The following IGSF10 variants were observed in gnomAD, a reference collection of about 807,000 sequenced individuals.
IGSF10 encodes calvaria mechanical force protein 608.
A neutral mutation model predicts 128.2 loss-of-function variants in IGSF10; 126 were observed. The ratio of observed to expected loss-of-function variants is 0.98; its 90% CI spans 0.85 to 1.14. The LOEUF (loss-of-function observed/expected upper bound fraction) is 1.14, where lower values mean the gene tolerates loss of function less well. Among genes scored for constraint, IGSF10 ranks in the 50% most tolerant of loss-of-function variants. IGSF10 has a pLI of 0.00. For missense variants in IGSF10, 3,295 were observed against 3,149.8 expected, an observed-to-expected ratio of 1.05 and a Z score of -1.10; for synonymous variants, 1,185 against 1,146.2, an observed-to-expected ratio of 1.03 and a Z score of -0.68.
At chr3:151,602,471 G>A in the IGSF10 span, among the ~76,000 whole-genome samples, 1 of 152,136 alleles carries the variant, frequency 6.6e-6, no homozygotes, top group Non-Finnish European at 1.5e-5. Flanking sequence ...TTCTGGGTCA[G>A]CTTAGACAAT....
the IGSF10 span, among the ~76,000 whole-genome samples, chr3:151,574,979 C>A: frequency 6.6e-6 from 1 of 152,216 alleles, no homozygotes; most frequent in Non-Finnish European, 1.5e-5. Context: ...TCAGGTCCCT[C>A]AGCTGCAGGT....
In IGSF10 at chr3:151,445,731, A is replaced by G. The variant is rs1280379951; in HGVS notation, c.4250T>C (p.Leu1417Pro). 1.2e-6 allele frequency: 2 copies of G among 1,614,064 alleles called. No homozygotes were observed. Among genetic ancestry groups the G allele is most frequent in the Admixed American group, 3.3e-5 (2 of 60,022 alleles). ...GGCTAGTTCTTCAATCACATCTGTC[A>G]GATTAAGAGTTCTTGAATGAAAACT... The part of the protein sequence containing the change: ...TISFHSRTLN[L>P]TDVIEELAQA... Residue 1417 changes from leucine (L) to proline (P), a missense_variant, in exon 6 of 8, where the codon CTG becomes CCG. Physicochemically the swap from Leu to Pro is moderately conservative, Grantham distance 98 (BLOSUM62 -3). Coordinates refer to ENST00000282466, the MANE Select transcript of IGSF10 (RefSeq NM_178822.5).
rs780766940 is a variant in IGSF10, at chr3:151,443,832, A to T, written c.5115T>A (p.Asn1705Lys). Residue 1705 changes from asparagine to lysine, a missense_variant, in exon 7 of 8, where the codon AAT becomes AAA. Physicochemically the swap from Asn to Lys is moderately conservative, Grantham distance 94. Coordinates refer to ENST00000282466, the MANE Select transcript of IGSF10 (RefSeq NM_178822.5). Reference protein sequence around the residue: ...KQNSRVQVLPNGTLSIQRVEI... With the variant: ...KQNSRVQVLPKGTLSIQRVEI... ...CCACCCTCTGGATGGACAGGGTACC[A>T]TTGGGGAGAACCTGGACCCTGCTAT... 2 of 1,614,042 alleles carry T rather than the reference A, an allele frequency of 1.2e-6. No individual in the cohort carries two copies. Among genetic ancestry groups the T allele is most frequent in the Non-Finnish European group, 1.7e-6 (2 of 1,179,934 alleles).
At chr3:151,439,946 G>T (rs1720745227) in intron 7 of IGSF10, among the ~76,000 whole-genome samples, 1 of 150,514 alleles carries the variant, frequency 6.6e-6, no homozygotes, top group South Asian at 2.1e-4. Flanking sequence ...TAGATAAAAC[G>T]AGAGGAAAGT....
the IGSF10 span, among the ~76,000 whole-genome samples, chr3:151,494,759 G>T: frequency 6.6e-6 from 1 of 151,996 alleles, no homozygotes; most frequent in African/African-American, 2.4e-5. Context: ...TTCTTCGATG[G>T]AAATGAATTT....
the IGSF10 span, among the ~76,000 whole-genome samples, chr3:151,489,748 A>G: frequency 1.3e-5 from 2 of 152,180 alleles, no homozygotes; most frequent in East Asian, 3.9e-4. Flanking sequence ...ACATGTTCTC[A>G]CTCATAAGTG....
intron 4 of IGSF10, among the ~76,000 whole-genome samples, chr3:151,454,096 C>T (rs1288186445): frequency 6.7e-6 from 1 of 149,946 alleles, no homozygotes; most frequent in African/African-American, 2.5e-5. Context: ...CTGCTTACTG[C>T]AACCTCCGCC....
chr3:151,547,014 AC>A, the IGSF10 span, among the ~76,000 whole-genome samples: 894 of 110,372 alleles, frequency 8.1e-3, 18 homozygotes, highest in East Asian at 0.1. Context: ...CCGGCGATCC[AC>A]CCCCCCCTTG....
At chr3:151,510,430 C>T in the IGSF10 span, among the ~76,000 whole-genome samples, 1 of 152,120 alleles carries the variant, frequency 6.6e-6, no homozygotes. Context: ...GGAAAACTAA[C>T]AAACAGAAAG....
chr3:151,543,417 G>A, the IGSF10 span, among the ~76,000 whole-genome samples: 1 of 152,116 alleles, frequency 6.6e-6, no homozygotes, highest in Non-Finnish European at 1.5e-5. Flanking sequence ...CACACCTGCA[G>A]CTGCACAGCT....
the IGSF10 span, among the ~76,000 whole-genome samples, chr3:151,579,262 T>C: frequency 1.3e-5 from 2 of 152,128 alleles, no homozygotes; most frequent in African/African-American, 4.8e-5. Context: ...ATTCTGGATA[T>C]AAATACTATA....
At chr3:151,468,351 C>T in the IGSF10 span, among the ~76,000 whole-genome samples, 1 of 152,166 alleles carries the variant, frequency 6.6e-6, no homozygotes, top group Non-Finnish European at 1.5e-5. Flanking sequence ...AAATCACAAC[C>T]GAGAGATCCT....
At chr3:151,483,185 T>G in the IGSF10 span, among the ~76,000 whole-genome samples, 1 of 152,166 alleles carries the variant, frequency 6.6e-6, no homozygotes, top group Admixed American at 6.5e-5. Flanking sequence ...GTAAACCACA[T>G]ATATCTTCAA....
At chr3:151,488,506 G>A in the IGSF10 span, among the ~76,000 whole-genome samples, 9 of 152,028 alleles carry the variant, frequency 5.9e-5, no homozygotes, top group Non-Finnish European at 1.0e-4. Flanking sequence ...AGAAGAGCCC[G>A]CATAGCCAAG....
At chr3:151,518,236 G>A in the IGSF10 span, among the ~76,000 whole-genome samples, 6 of 151,952 alleles carry the variant, frequency 3.9e-5, no homozygotes, top group African/African-American at 9.7e-5. Context: ...TTCAAACTGT[G>A]TTCAAATAAG....
the IGSF10 span, among the ~76,000 whole-genome samples, chr3:151,544,631 T>A: frequency 6.6e-6 from 1 of 152,140 alleles, no homozygotes; most frequent in Admixed American, 6.5e-5. Flanking sequence ...GCTATTTGAT[T>A]TCCAAATCCT....
chr3:151,446,223 G>A lies in IGSF10; in HGVS notation c.3758C>T (p.Thr1253Ile). 1 of 1,613,640 alleles carries A rather than the reference G, an allele frequency of 6.2e-7. No homozygotes were observed. Among genetic ancestry groups the A allele is most frequent in the Non-Finnish European group, 8.5e-7 (1 of 1,179,552 alleles). Residue 1253 changes from threonine to isoleucine, a missense_variant, in exon 6 of 8, where the codon ACC becomes ATC. Thr to Ile is a moderately conservative substitution (Grantham distance 89, BLOSUM62 -1). Transcript: ENST00000282466. ...PRDKVSPFHFTTLSTSVMQIP... is the reference protein window; with the variant it reads ...PRDKVSPFHFITLSTSVMQIP... Reference sequence around the variant, plus strand: ...TTGCATCACACTTGTTGAAAGTGTGGTGAAATGGAAAGGGGAGACTTTGTC... The same window carrying A: ...TTGCATCACACTTGTTGAAAGTGTGATGAAATGGAAAGGGGAGACTTTGTC...
At chr3:151,434,530 C>CT (rs1321293347), downstream of IGSF10, 8 of 5,232 alleles carry the variant, frequency 1.5e-3, no homozygotes, top group African/African-American at 2.9e-3. Flanking sequence ...GAAGATGTAT[C>CT]ATCTATCTGT....
the IGSF10 span, among the ~76,000 whole-genome samples, chr3:151,537,567 C>T: frequency 3.3e-5 from 5 of 152,000 alleles, no homozygotes; most frequent in East Asian, 1.9e-4. Flanking sequence ...ACTAATTAAC[C>T]GAAATAGGGT....
Sources: allele counts gnomAD v4.1 joint callset (sites outside exome capture counted in the v4.1 genomes callset), GRCh38; gene constraint gnomAD v4.1.1; transcripts MANE v1.5; gene names NCBI Gene and HGNC (gene_info 2026-07-23, HGNC 2026-07-21).